Variants in FYTTD1 observed in about 807,000 individuals in gnomAD.
FYTTD1 encodes forty-two-three domain containing 1.
A neutral mutation model predicts 40.9 loss-of-function variants in FYTTD1; 22 were observed. The ratio of observed to expected loss-of-function variants is 0.54; its 90% confidence interval spans 0.38 to 0.77. The LOEUF (loss-of-function observed/expected upper bound fraction) is 0.77. Ranked by LOEUF, FYTTD1 falls within the 30% of genes least tolerant of loss-of-function variation. The pLI is 0.00. For synonymous variants in FYTTD1, 140 were observed against 137.9 expected (o/e 1.01, Z -0.10); for missense variants, 351 against 392.2 (o/e 0.90, Z 0.89).
chr3:197,750,910 A>G, intron 1 of FYTTD1: 1 of 937,970 alleles, frequency 1.1e-6, no homozygotes, highest in Non-Finnish European at 1.3e-6. Context: ...TGATTCCATT[A>G]AAATCCAGCC....
At chr3:197,757,063 A>G (rs1037753848) in intron 2 of FYTTD1, among the ~76,000 whole-genome samples, 2 of 152,220 alleles carry the variant, frequency 1.3e-5, no homozygotes, top group African/African-American at 4.8e-5. Context: ...GTATGTGGAG[A>G]CTACTGTTAC....
At chr3:197,752,572 T>C (rs1275091583) in intron 1 of FYTTD1, among the ~76,000 whole-genome samples, 2 of 152,162 alleles carry the variant, frequency 1.3e-5, no homozygotes, top group African/African-American at 2.4e-5. Flanking sequence ...TGTATGTATA[T>C]ATGGCTTTAT....
chr3:197,750,007 G>A lies in FYTTD1; in HGVS notation c.36G>A (p.Thr12=), dbSNP rs1324750422. The A allele has an allele frequency of 6.3e-7, 1 of 1,584,740 alleles. No individual in the cohort carries two copies. The highest frequency in any genetic ancestry group is 8.6e-7 in the Non-Finnish European group (1 of 1,167,252). Residue 12 remains threonine, a synonymous_variant, in exon 1 of 9, where the codon ACG becomes ACA. Transcript: ENST00000241502. Reference sequence around the variant, plus strand: ...TTGGTACCCGGTTGGTGGGAGCCACGGCGACTTCTTCGCCGCCGCCGAAGG... The same window carrying A: ...TTGGTACCCGGTTGGTGGGAGCCACAGCGACTTCTTCGCCGCCGCCGAAGG... ...NRFGTRLVGA[T]ATSSPPPKAR...
At chr3:197,774,581 G>T (rs1178929281) in intron 6 of FYTTD1, among the ~76,000 whole-genome samples, 2 of 151,688 alleles carry the variant, frequency 1.3e-5, no homozygotes, top group Non-Finnish European at 2.9e-5. Context: ...ATCCTGAGCA[G>T]CATAGCTCGA....
At chr3:197,756,591 G>C in intron 2 of FYTTD1, 34 bp downstream of exon 2, 1 of 1,580,110 alleles carries the variant, frequency 6.3e-7, no homozygotes. Flanking sequence ...ATGGAAAGCT[G>C]TTATTTGTGT....
At chr3:197,758,313 TATTA>T (rs1388183273) in intron 2 of FYTTD1, among the ~76,000 whole-genome samples, 1 of 152,256 alleles carries the variant, frequency 6.6e-6, no homozygotes, top group East Asian at 1.9e-4. Flanking sequence ...GAAATATATT[TATTA>T]ATTAATGTTT....
intron 1 of FYTTD1, among the ~76,000 whole-genome samples, chr3:197,752,534 C>T (rs1370512683): frequency 6.6e-6 from 1 of 151,148 alleles, no homozygotes; most frequent in African/African-American, 2.4e-5. Context: ...GTATATATGC[C>T]TTTATTTTTA....
intron 6 of FYTTD1, among the ~76,000 whole-genome samples, chr3:197,774,490 C>T (rs1227803247): frequency 6.9e-6 from 1 of 144,502 alleles, no homozygotes; most frequent in Non-Finnish European, 1.5e-5. Flanking sequence ...CTCGATGCCA[C>T]TGCACACCAG....
At chr3:197,763,177 C>T (rs1729439932) in intron 2 of FYTTD1, among the ~76,000 whole-genome samples, 3 of 151,560 alleles carry the variant, frequency 2.0e-5, no homozygotes, top group African/African-American at 7.3e-5. Context: ...ACTTTGGGAG[C>T]CCGAGGTGGG....
At chr3:197,767,812 A>G (rs1729596913) in intron 2 of FYTTD1, among the ~76,000 whole-genome samples, 1 of 152,236 alleles carries the variant, frequency 6.6e-6, no homozygotes, top group Non-Finnish European at 1.5e-5. Flanking sequence ...GTAATGTCAC[A>G]TGCCACAGAT....
intron 4 of FYTTD1, among the ~76,000 whole-genome samples, chr3:197,770,948 A>C (rs1209736773): frequency 2.0e-4 from 31 of 152,260 alleles, no homozygotes; most frequent in Non-Finnish European, 5.9e-5. Context: ...TAGAACACTG[A>C]ATCACAATGT....
chr3:197,780,329 G>A (rs903903553), intron 8 of FYTTD1, among the ~76,000 whole-genome samples: 2 of 152,118 alleles, frequency 1.3e-5, no homozygotes, highest in African/African-American at 2.4e-5. Context: ...TTCTGTGGCT[G>A]GCCAGCTTAG....
At chr3:197,769,331 C>T (rs1394175524) in intron 3 of FYTTD1, among the ~76,000 whole-genome samples, 1 of 152,184 alleles carries the variant, frequency 6.6e-6, no homozygotes, top group Non-Finnish European at 1.5e-5. Context: ...CATGATCCAT[C>T]CGCCTCACCC....
In FYTTD1 at chr3:197,782,840, T is replaced by G. The variant is rs1730064073; in HGVS notation, c.*931T>G. On this transcript the variant is annotated 3_prime_UTR_variant, in exon 9 of 9. Transcript: ENST00000241502. ...TGGAGTCCCTTGGATATTTTGATAG[T>G]AAAATTAATAGCCATAAAGTCCTAG... is the stretch of plus-strand genomic sequence containing the variant. The G allele has an allele frequency of 6.6e-6, 1 of 152,532 alleles. No individual in the cohort carries two copies. The highest frequency in any genetic ancestry group is 2.4e-5 in the African/African-American group (1 of 41,454). The allele number at this position is 152,532 out of a possible 1,614,324, so 9.4% of individuals were successfully genotyped here. A position where few individuals can be genotyped will look rare whatever the true frequency, so the allele number is the denominator to read the frequency against.
At chr3:197,766,479 C>T (rs1251587757) in intron 2 of FYTTD1, among the ~76,000 whole-genome samples, 1 of 66,360 alleles carries the variant, frequency 1.5e-5, no homozygotes, top group Non-Finnish European at 3.7e-5. Flanking sequence ...GGGTCTTGCT[C>T]TGTCACCCCA....
chr3:197,758,208 G>A (rs900005885), intron 2 of FYTTD1, among the ~76,000 whole-genome samples: 1 of 152,176 alleles, frequency 6.6e-6, no homozygotes, highest in African/African-American at 2.4e-5. Flanking sequence ...GAGCCACTGC[G>A]CCTGGCCTAA....
intron 2 of FYTTD1, among the ~76,000 whole-genome samples, chr3:197,761,881 T>G (rs1397531099): frequency 6.6e-6 from 1 of 152,224 alleles, no homozygotes; most frequent in Non-Finnish European, 1.5e-5. Flanking sequence ...CTAGGTAGCT[T>G]ATAAACAACA....
At chr3:197,755,051 C>G (rs1326786592) in intron 1 of FYTTD1, among the ~76,000 whole-genome samples, 2 of 152,084 alleles carry the variant, frequency 1.3e-5, no homozygotes, top group African/African-American at 4.8e-5. Flanking sequence ...TGGTCTTCAC[C>G]TTGTTCTGTT....
intron 1 of FYTTD1, 73 bp from the exon 2 acceptor site, chr3:197,756,353 T>C (rs1729214116): frequency 9.6e-7 from 1 of 1,042,442 alleles, no homozygotes; most frequent in Non-Finnish European, 1.5e-6. Flanking sequence ...GTAGGACATC[T>C]ATCAGCTAGA....
Sources: allele counts gnomAD v4.1 joint callset (sites outside exome capture counted in the v4.1 genomes callset), GRCh38; gene constraint gnomAD v4.1.1; transcripts MANE v1.5; gene names NCBI Gene and HGNC (gene_info 2026-07-23, HGNC 2026-07-21).